Variants in QRICH2 observed in about 807,000 individuals in gnomAD.
QRICH2 encodes glutamine-rich protein 2.
Under a neutral mutation model 168.3 loss-of-function variants are expected in QRICH2, and 119 were observed. The observed-to-expected ratio is 0.71, with a 90% confidence interval of 0.61 to 0.82. The LOEUF (loss-of-function observed/expected upper bound fraction) is 0.82, where lower values mean the gene tolerates loss of function less well. Among genes scored for constraint, QRICH2 ranks in the 40% least tolerant of loss-of-function variants. The pLI is 0.00. For synonymous variants in QRICH2, 894 were observed against 951.2 expected (o/e 0.94, Z 1.11); for missense variants, 2,241 against 2,491.6 (o/e 0.90, Z 2.14).
chr17:76,304,944 GGAA>G lies in QRICH2; in HGVS notation c.535-6_535-4del. ...TCATCAACCCGCTGTAAAAGTACCTGGAAGAAGAGTTCAGGAAAGGAGAATGAC... is the reference window on the plus strand; with the variant it reads ...TCATCAACCCGCTGTAAAAGTACCTGGAAGAGTTCAGGAAAGGAGAATGAC... On this transcript the variant is annotated splice_region_variant and splice_polypyrimidine_tract_variant and intron_variant, in intron 1 of 18. Coordinates refer to ENST00000680821, the MANE Select transcript of QRICH2 (RefSeq NM_001388453.1). 3 of 1,611,696 alleles carry G rather than the reference GGAA, an allele frequency of 1.9e-6. No individual in the cohort carries two copies. The South Asian group carries it at 3.3e-5, about 18-fold the overall frequency.
chr17:76,290,408 G>T (rs2070966233), intron 4 of QRICH2, among the ~76,000 whole-genome samples: 2 of 152,134 alleles, frequency 1.3e-5, no homozygotes, highest in Admixed American at 6.5e-5. Context: ...TTGAGACAGG[G>T]TCTTGCTCTG....
chr17:76,307,369 C>T lies in QRICH2; in HGVS notation c.534+96G>A. 1.5e-6 allele frequency: 2 copies of T among 1,365,964 alleles called. No homozygotes were observed. Among genetic ancestry groups the T allele is most frequent in the South Asian group, 1.2e-5 (1 of 83,764 alleles). 84.6% of individuals were successfully genotyped at this position (1,365,964 alleles called of 1,614,324 possible). A position where few individuals can be genotyped will look rare whatever the true frequency, so the allele number is the denominator to read the frequency against. On this transcript the variant is annotated intron_variant, in intron 1 of 18. Coordinates refer to ENST00000680821, the MANE Select transcript of QRICH2 (RefSeq NM_001388453.1). The surrounding 1 kb of genome is among the most constrained non-coding windows in gnomAD (Gnocchi z 5.3). ...GTCCCCATCCCCTCCGTCCCCACCA[C>T]CGCTCACCCCTCCAGGGTGGTGGGG...
At chr17:76,304,300 C>T (rs2070953722) in intron 3 of QRICH2, 115 bp downstream of exon 3, 5 of 648,744 alleles carry the variant, frequency 7.7e-6, no homozygotes, top group Non-Finnish European at 1.4e-5. Flanking sequence ...ACACCCATAT[C>T]AATGAAACTT....
chr17:76,275,468 C>T (rs557086742), intron 18 of QRICH2, among the ~76,000 whole-genome samples: 3 of 152,274 alleles, frequency 2.0e-5, no homozygotes, highest in Non-Finnish European at 4.4e-5. Flanking sequence ...CTTGGGGACC[C>T]GGGCATGGCC....
intron 12 of QRICH2, 101 bp downstream of exon 12, chr17:76,279,932 C>A: frequency 7.2e-7 from 1 of 1,386,348 alleles, no homozygotes; most frequent in Non-Finnish European, 9.7e-7. Context: ...GCAGGATCCG[C>A]TGTGTGCTGG....
chr17:76,280,757 AAG>A lies in QRICH2; in HGVS notation c.4387-31_4387-30del. ...GGGAGGCCAAGTGAACAGAGAAAAA[AAG>A]AGCCAGCAGCTGCGGGGCTAGGGCA... On this transcript the variant is annotated intron_variant, in intron 9 of 18. Coordinates refer to ENST00000680821, the MANE Select transcript of QRICH2 (RefSeq NM_001388453.1). This position sits in a 1 kb window ranked among gnomAD's most constrained non-coding sequence, Gnocchi z 7.4. The A allele has an allele frequency of 6.2e-7, 1 of 1,613,984 alleles. No homozygotes were observed.
Position 76,291,283 on chromosome 17 carries a change from TG to T in QRICH2, c.3443del (p.Pro1148GlnfsTer29). ...TCCTGAAAAGAGTGACATCTTGGCC[TG>T]GGGCCTTCTGGGCAGGAATTCCATG... ...DRHGIPAQKA[P>X]GQDVTLFRSP... On this transcript the variant is annotated frameshift_variant, in exon 4 of 19. Coordinates refer to ENST00000680821, the MANE Select transcript of QRICH2 (RefSeq NM_001388453.1). LOFTEE classifies it high-confidence loss of function. 1 of 1,614,198 alleles carries T rather than the reference TG, an allele frequency of 6.2e-7. No individual in the cohort carries two copies. The highest frequency in any genetic ancestry group is 8.5e-7 in the Non-Finnish European group (1 of 1,180,030).
chr17:76,300,894 A>G (rs537793701), intron 3 of QRICH2, among the ~76,000 whole-genome samples: 1 of 152,280 alleles, frequency 6.6e-6, no homozygotes, highest in Non-Finnish European at 1.5e-5. Flanking sequence ...TTTACTAAAA[A>G]TACAAAAAAA....
intron 18 of QRICH2, among the ~76,000 whole-genome samples, chr17:76,274,485 A>C (rs1311858697): frequency 6.6e-6 from 1 of 152,184 alleles, no homozygotes; most frequent in African/African-American, 2.4e-5. Context: ...AAAAATAAGC[A>C]AACACGTCCT....
intron 18 of QRICH2, 117 bp downstream of exon 18, chr17:76,275,702 C>T (rs1004383347): frequency 4.4e-5 from 59 of 1,335,420 alleles, no homozygotes; most frequent in Non-Finnish European, 5.4e-5. Context: ...CCATCCCCCC[C>T]TTCGGCTCCC....
In QRICH2 at chr17:76,293,919, C is replaced by G; in HGVS notation, c.808G>C (p.Glu270Gln). The G allele has an allele frequency of 1.2e-6, 2 of 1,614,132 alleles. No homozygotes were observed. The highest frequency in any genetic ancestry group is 1.7e-6 in the Non-Finnish European group (2 of 1,180,042). ...SGDSTKQPSI[E>Q]QALDSASGLG... is the part of the protein sequence containing the mutation. The stretch of plus-strand genomic sequence containing the variant: ...CCACTGGCAGAATCCAGAGCCTGCT[C>G]AATACTTGGTTGCTTGGTAGAGTCT... The change falls in exon 4 of 19, where the codon GAG becomes CAG. Residue 270 changes from glutamate (E) to glutamine (Q), a missense_variant. Glu to Gln is a conservative substitution (Grantham distance 29). Transcript: ENST00000680821.
rs991896058 is a variant in QRICH2 at position 76,282,004 on chromosome 17, G to C, written c.4123C>G (p.Pro1375Ala). The change falls in exon 8 of 19, where the codon CCT becomes GCT. Residue 1375 changes from proline (P) to alanine (A), a missense_variant. Coordinates refer to ENST00000680821, the MANE Select transcript of QRICH2 (RefSeq NM_001388453.1). ...CTGCAGGCTGGACAGGTGGCCTCAG[G>C]GTCGATCTGGCCAGGAGCCAAGGTG... Reference protein sequence around the residue: ...AHTLAPGQIDPEATCPACSLD... With the variant: ...AHTLAPGQIDAEATCPACSLD... 16 of 1,613,530 alleles carry C rather than the reference G, an allele frequency of 9.9e-6. No individual in the cohort carries two copies. The highest frequency in any genetic ancestry group is 1.4e-5 in the Non-Finnish European group (16 of 1,179,820).
At chr17:76,287,043 A>AACACACACACACAC (rs56258903) in intron 7 of QRICH2, 149 bp downstream of exon 7, 2,044 of 202,540 alleles carry the variant, frequency 0.01, 19 homozygotes, top group South Asian at 0.014. Context: ...CACACCACAT[A>AACACACACACACAC]ACACACACAC....
Position 76,282,866 on chromosome 17 carries a change from GA to G in QRICH2, c.4012-752del, listed in dbSNP as rs2070814307. Among the ~76,000 whole-genome samples the G allele has an allele frequency of 2.0e-5, 3 of 152,344 alleles. 1 individual carries two copies. Among genetic ancestry groups the G allele is most frequent in the African/African-American group, 7.2e-5 (3 of 41,582 alleles). ...TCTCTGGGGAGTGGGTGATGGAACAGAAAGGACTCTGCAGGGCTGGGGCAGC... is the reference window on the plus strand; with the variant it reads ...TCTCTGGGGAGTGGGTGATGGAACAGAAGGACTCTGCAGGGCTGGGGCAGC... On this transcript the variant is annotated intron_variant, in intron 7 of 18. Coordinates refer to ENST00000680821, the MANE Select transcript of QRICH2 (RefSeq NM_001388453.1).
Position 76,307,738 on chromosome 17 carries a change from C to G in QRICH2, c.261G>C (p.Lys87Asn), listed in dbSNP as rs955398878. The change falls in exon 1 of 19, where the codon AAG (lysine) becomes AAC (asparagine). Residue 87 changes from lysine (K) to asparagine (N), a missense_variant. Physicochemically the swap from Lys to Asn is moderately conservative, Grantham distance 94 (BLOSUM62 0). Around this residue, in one of 3 missense-constraint regions of QRICH2, gnomAD observed 2,047 missense variants for 2,303.8 expected, o/e 0.89. Transcript: ENST00000680821. This position sits in a 1 kb window ranked among gnomAD's most constrained non-coding sequence, Gnocchi z 5.3. Reference protein sequence around the residue: ...KEVPKGAPREKRRGVGQAPSS... With the variant: ...KEVPKGAPRENRRGVGQAPSS... ...AAGGCGCCTGGCCCACGCCCCTGCG[C>G]TTCTCCCGGGGCGCCCCCTTGGGCA... 55 of 1,392,704 alleles carry G rather than the reference C, an allele frequency of 3.9e-5. No individual in the cohort carries two copies. The highest frequency in any genetic ancestry group is 4.8e-5 in the Non-Finnish European group (52 of 1,077,510). The allele number at this position is 1,392,704 out of a possible 1,614,324, so 86.3% of individuals were successfully genotyped here. A position where few individuals can be genotyped will look rare whatever the true frequency, so the allele number is the denominator to read the frequency against.
chr17:76,303,946 C>T (rs913070530), intron 3 of QRICH2, among the ~76,000 whole-genome samples: 1 of 151,276 alleles, frequency 6.6e-6, no homozygotes, highest in African/African-American at 2.4e-5. Flanking sequence ...GGGTCTGTCA[C>T]CATGGTCCAC....
chr17:76,286,472 C>T (rs1049038788), intron 7 of QRICH2, among the ~76,000 whole-genome samples: 1 of 152,064 alleles, frequency 6.6e-6, no homozygotes, highest in South Asian at 2.1e-4. Flanking sequence ...AAAGCAGGTT[C>T]GTGGTTGTCA....
In QRICH2 at chr17:76,296,777, C is replaced by CAA. The variant is rs758967969; in HGVS notation, c.706-2758_706-2757dup. Among the ~76,000 whole-genome samples the CAA allele has an allele frequency of 3.5e-3, 319 of 90,562 alleles. 3 individuals are homozygous for CAA. Among genetic ancestry groups the CAA allele is most frequent in the East Asian group, 0.014 (47 of 3,320 alleles). 59.4% of individuals were successfully genotyped at this position (90,562 alleles called of 152,430 possible). A position where few individuals can be genotyped will look rare whatever the true frequency, so the allele number is the denominator to read the frequency against. On this transcript the variant is annotated intron_variant, in intron 3 of 18. Transcript: ENST00000680821. The stretch of plus-strand genomic sequence containing the variant: ...TGGGCAACAGAGCATGGCTCTGTCT[C>CAA]AAAAAAAAAAAAAAAAAAAAATAAC...
Position 76,307,862 on chromosome 17 carries a change from G to A in QRICH2, c.137C>T (p.Thr46Ile). ...AMLKNLDLQN[T>I]RIDFQPSSPE... The stretch of plus-strand genomic sequence containing the variant: ...CGACGAGGGCTGGAAGTCGATCCGG[G>A]TATTTTGGAGGTCGAGGTTCTTGAG... The change falls in exon 1 of 19, where the codon ACC becomes ATC. Residue 46 changes from threonine to isoleucine, a missense_variant. Physicochemically the swap from Thr to Ile is moderately conservative, Grantham distance 89. Around this residue, in one of 3 missense-constraint regions of QRICH2, gnomAD observed 2,047 missense variants for 2,303.8 expected, o/e 0.89. Transcript: ENST00000680821. The surrounding 1 kb of genome is among the most constrained non-coding windows in gnomAD (Gnocchi z 5.3). The A allele has an allele frequency of 2.4e-6, 3 of 1,275,128 alleles. No individual in the cohort carries two copies. The highest frequency in any genetic ancestry group is 2.0e-6 in the Non-Finnish European group (2 of 1,012,848). 79.0% of individuals were successfully genotyped at this position (1,275,128 alleles called of 1,614,324 possible).
Sources: allele counts gnomAD v4.1 joint callset (sites outside exome capture counted in the v4.1 genomes callset), GRCh38; gene constraint gnomAD v4.1.1; regional missense constraint gnomAD v4.1.1; non-coding constraint Gnocchi (gnomAD v3.1); transcripts MANE v1.5; gene names NCBI Gene and HGNC (gene_info 2026-07-23, HGNC 2026-07-21).